The following NKAIN2 variants were observed in gnomAD, a reference collection of about 807,000 sequenced individuals.
NKAIN2 encodes the protein sodium/potassium-transporting ATPase subunit beta-1-interacting protein 2.
In NKAIN2, 14 loss-of-function variants were observed where a neutral mutation model predicts 32.6. The ratio of observed to expected loss-of-function variants is 0.43; its 90% CI spans 0.28 to 0.67. The LOEUF (loss-of-function observed/expected upper bound fraction) is 0.67. Ranked by LOEUF, NKAIN2 falls within the 30% of genes least tolerant of loss-of-function variation. NKAIN2 has a pLI of 0.17. For missense variants in NKAIN2, 198 were observed against 258.3 expected (o/e 0.77, Z 1.60); for synonymous variants, 80 against 87.2 (o/e 0.92, Z 0.46).
intron 3 of NKAIN2, among the ~76,000 whole-genome samples, chr6:124,427,499 C>A (rs1775031585): frequency 1.3e-5 from 2 of 152,098 alleles, no homozygotes; most frequent in African/African-American, 4.8e-5. Context: ...TCAGTAAATT[C>A]TTTGTAAAAT....
At chr6:124,252,258 G>A (rs1442395071) in intron 1 of NKAIN2, among the ~76,000 whole-genome samples, 3 of 152,054 alleles carry the variant, frequency 2.0e-5, no homozygotes, top group African/African-American at 7.2e-5. Flanking sequence ...ACAGGTAAAT[G>A]TATCATACCA....
chr6:124,745,288 T>A (rs1456185787), intron 4 of NKAIN2, among the ~76,000 whole-genome samples: 1 of 151,876 alleles, frequency 6.6e-6, no homozygotes, highest in African/African-American at 2.4e-5. Context: ...AATGAATATA[T>A]CAGAGTAGAT....
chr6:124,752,158 G>A (rs182131577), intron 4 of NKAIN2, among the ~76,000 whole-genome samples: 163 of 151,942 alleles, frequency 1.1e-3, no homozygotes, highest in Admixed American at 2.3e-3. Flanking sequence ...CCCACATCAT[G>A]GCCCGTGCTA....
intron 1 of NKAIN2, among the ~76,000 whole-genome samples, chr6:124,166,685 A>G (rs1366666775): frequency 2.0e-5 from 3 of 151,846 alleles, no homozygotes; most frequent in East Asian, 1.9e-4. Context: ...ATCTTGAATT[A>G]ATTTTTGTAT....
At chr6:124,267,401 T>A (rs1464464488) in intron 1 of NKAIN2, among the ~76,000 whole-genome samples, 1 of 150,686 alleles carries the variant, frequency 6.6e-6, no homozygotes, top group Non-Finnish European at 1.5e-5. Flanking sequence ...CCCAGCACTT[T>A]GGGATGCCAA....
At chr6:124,433,356 T>C (rs1174911873) in intron 3 of NKAIN2, among the ~76,000 whole-genome samples, 4 of 152,318 alleles carry the variant, frequency 2.6e-5, no homozygotes, top group Middle Eastern at 3.4e-3. Flanking sequence ...TTGAATCTCA[T>C]TGGTATTTTT....
chr6:124,358,190 G>A (rs1161002052), intron 3 of NKAIN2, among the ~76,000 whole-genome samples: 1 of 152,126 alleles, frequency 6.6e-6, no homozygotes, highest in East Asian at 1.9e-4. Flanking sequence ...GGACATCTGG[G>A]TTGGTTCCAA....
At chr6:123,943,779 T>A (rs1302437333) in intron 1 of NKAIN2, among the ~76,000 whole-genome samples, 1 of 152,058 alleles carries the variant, frequency 6.6e-6, no homozygotes, top group Non-Finnish European at 1.5e-5. Flanking sequence ...GGTATTCAGC[T>A]GAACTACTGG....
intron 3 of NKAIN2, among the ~76,000 whole-genome samples, chr6:124,613,405 C>G (rs1312165252): frequency 2.0e-5 from 3 of 152,182 alleles, no homozygotes; most frequent in Non-Finnish European, 2.9e-5. Context: ...ATAAATATCT[C>G]CTGTTCCTAA....
chr6:124,644,267 A>G (rs1784088343), intron 3 of NKAIN2, among the ~76,000 whole-genome samples: 1 of 152,204 alleles, frequency 6.6e-6, no homozygotes, highest in Non-Finnish European at 1.5e-5. Flanking sequence ...TATGCTGATG[A>G]GAACATATAA....
At chr6:124,613,276 C>T (rs964980628) in intron 3 of NKAIN2, among the ~76,000 whole-genome samples, 1 of 152,122 alleles carries the variant, frequency 6.6e-6, no homozygotes, top group African/African-American at 2.4e-5. Context: ...TTAGACAGTC[C>T]ATTCATTCAA....
In NKAIN2 at chr6:124,524,979, A is replaced by C. The variant is rs1190322686; in HGVS notation, c.274-133207A>C. On this transcript the variant is annotated intron_variant, in intron 3 of 6. Coordinates refer to ENST00000368417, the MANE Select transcript of NKAIN2 (RefSeq NM_001040214.3). ...CCCGTACAGCCAGGGAAGATTCCTC[A>C]GCATGGAATGCACAATTTTCTACAC... 2.0e-5 allele frequency among the ~76,000 whole-genome samples: 3 copies of C among 152,176 alleles called. No individual in the cohort carries two copies. The East Asian group carries it at 5.8e-4, about 29-fold the overall frequency.
At chr6:124,360,357 C>A (rs12204812) in intron 3 of NKAIN2, among the ~76,000 whole-genome samples, 54,313 of 151,934 alleles carry the variant, frequency 0.36, 10,022 homozygotes, top group African/African-American at 0.45. Context: ...CTAATGAACT[C>A]TCTGCCATAT....
At chr6:124,687,448 T>C (rs1773999347) in intron 4 of NKAIN2, among the ~76,000 whole-genome samples, 1 of 144,656 alleles carries the variant, frequency 6.9e-6, no homozygotes, top group Non-Finnish European at 1.5e-5. Flanking sequence ...ACATACATGG[T>C]ATATATTCCA....
chr6:123,825,040 G>A lies in NKAIN2; in HGVS notation c.54+20786G>A, dbSNP rs143366389. 2.1e-3 allele frequency among the ~76,000 whole-genome samples: 327 copies of A among 152,192 alleles called. 1 individual carries two copies. Among genetic ancestry groups the A allele is most frequent in the African/African-American group, 7.5e-3 (312 of 41,522 alleles). ...AGGCTGGGAAGTTCAAGATCTCACCGGGTGTCTGGTGAAAGCCTGATTTCT... is the reference window on the plus strand; with the variant it reads ...AGGCTGGGAAGTTCAAGATCTCACCAGGTGTCTGGTGAAAGCCTGATTTCT... On this transcript the variant is annotated intron_variant, in intron 1 of 6. Coordinates refer to ENST00000368417, the MANE Select transcript of NKAIN2 (RefSeq NM_001040214.3).
chr6:124,499,725 G>T (rs1778209890), intron 3 of NKAIN2, among the ~76,000 whole-genome samples: 1 of 152,212 alleles, frequency 6.6e-6, no homozygotes, highest in Admixed American at 6.5e-5. Context: ...AAAGCTCTGT[G>T]AGGATTTATA....
chr6:124,544,633 G>A (rs1219530465), intron 3 of NKAIN2, among the ~76,000 whole-genome samples: 1 of 151,296 alleles, frequency 6.6e-6, no homozygotes, highest in Non-Finnish European at 1.5e-5. Flanking sequence ...AATGTTTCCC[G>A]AACCTCAATG....
At chr6:124,090,230 G>T (rs558656319) in intron 1 of NKAIN2, among the ~76,000 whole-genome samples, 1 of 152,108 alleles carries the variant, frequency 6.6e-6, no homozygotes, top group African/African-American at 2.4e-5. Context: ...TTTGCCTTCA[G>T]CTCTTCTGTA....
At chr6:124,818,765 A>G (rs1781278847) in intron 6 of NKAIN2, among the ~76,000 whole-genome samples, 5 of 152,168 alleles carry the variant, frequency 3.3e-5, no homozygotes, top group Admixed American at 3.3e-4. Context: ...AAAAAGTTGT[A>G]TTTTTTGAAA....
Sources: allele counts gnomAD v4.1 joint callset (sites outside exome capture counted in the v4.1 genomes callset), GRCh38; gene constraint gnomAD v4.1.1; transcripts MANE v1.5; gene names NCBI Gene and HGNC (gene_info 2026-07-23, HGNC 2026-07-21).